The following PAK6 variants were observed in gnomAD, a reference collection of about 807,000 sequenced individuals.
PAK6 encodes the protein serine/threonine-protein kinase PAK 6.
PAK6 carries 33 observed loss-of-function variants against 60.8 expected under a neutral mutation model. The ratio of observed to expected loss-of-function variants is 0.54; its 90% CI spans 0.41 to 0.73. The LOEUF is 0.73. PAK6 is among the 30% of genes least tolerant of loss of function. The pLI is 0.00. For synonymous variants in PAK6, 404 were observed against 378.5 expected (o/e 1.07, Z -0.78); for missense variants, 845 against 904.1 (o/e 0.93, Z 0.84).
chr15:40,270,836 T>A (rs2140989185), intron 5 of PAK6, among the ~76,000 whole-genome samples: 1 of 152,308 alleles, frequency 6.6e-6, no homozygotes, highest in Admixed American at 6.5e-5. Context: ...CAGGAGTGCC[T>A]ATTCCACCCT....
In PAK6 at chr15:40,270,912, G is replaced by A. The variant is rs1381873093; in HGVS notation, c.859-1312G>A. On this transcript the variant is annotated intron_variant, in intron 5 of 10. Transcript: ENST00000560346. ...GCTGCGGGGGGTCGGGGAAGGAAGGGAGTGAGGGTTGCCAAAGACACTGAA... is the reference window on the plus strand; with the variant it reads ...GCTGCGGGGGGTCGGGGAAGGAAGGAAGTGAGGGTTGCCAAAGACACTGAA... Among the ~76,000 whole-genome samples the A allele has an allele frequency of 5.3e-5, 8 of 152,186 alleles. No homozygotes were observed. In the East Asian group the frequency reaches 1.5e-3, roughly 29 times the overall value.
At chr15:40,248,311 GAGCAGGAAGA>G (rs2038553427) in intron 2 of PAK6, among the ~76,000 whole-genome samples, 1 of 152,208 alleles carries the variant, frequency 6.6e-6, no homozygotes, top group African/African-American at 2.4e-5. Flanking sequence ...TCAGGGTGAG[GAGCAGGAAGA>G]AGCAGGTGCT....
chr15:40,249,845 G>A (rs1220060416), intron 2 of PAK6, among the ~76,000 whole-genome samples: 2 of 152,184 alleles, frequency 1.3e-5, no homozygotes, highest in Non-Finnish European at 2.9e-5. Context: ...TGCCCTCCCA[G>A]ACCATACTGG....
chr15:40,272,227 A>G, exon 6 of PAK6: 2 of 1,606,108 alleles, frequency 1.2e-6, no homozygotes, highest in Non-Finnish European at 1.7e-6. Flanking sequence ...CCTGCAGCCC[A>G]ACTCCTCTTT....
chr15:40,240,260 C>T (rs867687690), intron 1 of PAK6, among the ~76,000 whole-genome samples: 4 of 152,204 alleles, frequency 2.6e-5, no homozygotes, highest in Middle Eastern at 6.3e-3. Flanking sequence ...CACCCATGTG[C>T]GTCTCTGCTG....
intron 5 of PAK6, chr15:40,266,977 G>A (rs921663568): frequency 1.4e-4 from 21 of 155,142 alleles, no homozygotes; most frequent in Non-Finnish European, 1.9e-4. Context: ...TTTGGCAGAG[G>A]AGGAGACTGA....
chr15:40,276,238 T>G (rs2039452595), exon 11 of PAK6: 2 of 817,624 alleles, frequency 2.4e-6, no homozygotes, highest in African/African-American at 3.4e-5. Context: ...CCTCTGCCCT[T>G]CAGCCTACTG....
At chr15:40,252,141 G>A in intron 2 of PAK6, 1 of 500,452 alleles carries the variant, frequency 2.0e-6, no homozygotes, top group Non-Finnish European at 3.1e-6. Context: ...CATCCAAGGT[G>A]ACAGGTTTTC....
chr15:40,271,947 C>G (rs1245279219), intron 5 of PAK6, among the ~76,000 whole-genome samples: 4 of 152,206 alleles, frequency 2.6e-5, no homozygotes, highest in Non-Finnish European at 4.4e-5. Flanking sequence ...CGGCGGGGAG[C>G]TGGCCTTCTC....
In PAK6 at chr15:40,267,501, CA is replaced by C. The variant is rs577410887; in HGVS notation, c.858+1014del. Among the ~76,000 whole-genome samples, 910 of 151,980 alleles carry C rather than the reference CA, an allele frequency of 6.0e-3. 14 individuals carry two copies. Among genetic ancestry groups the C allele is most frequent in the African/African-American group, 0.02 (847 of 41,496 alleles). On this transcript the variant is annotated intron_variant, in intron 5 of 10. Transcript: ENST00000560346. ...TGAAACCCCGTCTCTACTAAAAATA[CA>C]AAAAAAATTAGCCGGGCGCGGTGGC... is the stretch of plus-strand genomic sequence containing the variant.
chr15:40,246,838 C>G (rs1163480054), intron 2 of PAK6: 1 of 152,364 alleles, frequency 6.6e-6, no homozygotes, highest in Non-Finnish European at 1.5e-5. Context: ...GTCATGCCTT[C>G]TGACCCAGGG....
At chr15:40,264,969 G>A in exon 4 of PAK6, 1 of 1,613,456 alleles carries the variant, frequency 6.2e-7, no homozygotes, top group South Asian at 1.1e-5. Context: ...AATCACACGG[G>A]TGCAGCTCCA....
At chr15:40,270,158 G>A (rs754220559) in intron 5 of PAK6, among the ~76,000 whole-genome samples, 9 of 152,160 alleles carry the variant, frequency 5.9e-5, no homozygotes, top group Non-Finnish European at 8.8e-5. Context: ...ACTGTGTGAT[G>A]CAGTGAGCCC....
chr15:40,268,581 T>G (rs1263340507), intron 5 of PAK6, among the ~76,000 whole-genome samples: 1 of 152,142 alleles, frequency 6.6e-6, no homozygotes, highest in African/African-American at 2.4e-5. Context: ...TTGCAGCAGC[T>G]TCCATAACAG....
At chr15:40,259,599 C>T (rs2038929651) in intron 3 of PAK6, 1 of 152,008 alleles carries the variant, frequency 6.6e-6, no homozygotes, top group Non-Finnish European at 1.5e-5. Context: ...TCAGCCCAGC[C>T]AACATGGTGA....
At chr15:40,258,585 A>C (rs2038900046) in intron 3 of PAK6, 1 of 152,472 alleles carries the variant, frequency 6.6e-6, no homozygotes, top group South Asian at 2.1e-4. Context: ...TGCTCCTCCA[A>C]CACCACTGTC....
chr15:40,263,008 G>A (rs1168077101), intron 3 of PAK6, among the ~76,000 whole-genome samples: 1 of 152,190 alleles, frequency 6.6e-6, no homozygotes, highest in African/African-American at 2.4e-5. Context: ...GGTGGATCCC[G>A]AACCTCAAGA....
At chr15:40,273,723 A>T (rs768435707) in intron 9 of PAK6, 47 bp downstream of exon 9, 9 of 1,600,784 alleles carry the variant, frequency 5.6e-6, no homozygotes, top group Non-Finnish European at 6.8e-6. Context: ...CAACTTGGCA[A>T]CTGGCAGCTC....
intron 2 of PAK6, among the ~76,000 whole-genome samples, chr15:40,248,990 C>T (rs902509505): frequency 2.4e-4 from 36 of 152,152 alleles, no homozygotes; most frequent in African/African-American, 8.7e-4. Flanking sequence ...ATACTATGGA[C>T]TGGTGGCTTA....
Sources: gnomAD v4.1 joint callset for allele counts (sites outside exome capture counted in the v4.1 genomes callset) on GRCh38, gnomAD v4.1.1 for gene constraint, MANE v1.5 for transcripts, NCBI Gene and HGNC (gene_info 2026-07-23, HGNC 2026-07-21) for gene names.